Variants in PDE1A observed in about 807,000 individuals in gnomAD.
PDE1A encodes dual specificity calcium/calmodulin-dependent 3',5'-cyclic nucleotide phosphodiesterase 1A.
A neutral mutation model predicts 61.7 loss-of-function variants in PDE1A; 35 were observed. That is an observed-to-expected ratio of 0.57 (90% CI 0.43 to 0.75). The LOEUF is 0.75. Ranked by LOEUF, PDE1A falls within the 30% of genes least tolerant of loss-of-function variation. The pLI, the probability that PDE1A is intolerant of heterozygous loss-of-function variation, is 0.00. For missense variants in PDE1A, 597 were observed against 630.6 expected (o/e 0.95, Z 0.57); for synonymous variants, 232 against 213.2 (o/e 1.09, Z -0.77).
chr2:182,378,565 C>A (rs1186184794), intron 1 of PDE1A, among the ~76,000 whole-genome samples: 1 of 152,102 alleles, frequency 6.6e-6, no homozygotes, highest in Non-Finnish European at 1.5e-5. Flanking sequence ...CTTGTCATGA[C>A]CATAGTGATT....
intron 1 of PDE1A, among the ~76,000 whole-genome samples, chr2:182,363,579 G>GAGT (rs1699640142): frequency 6.6e-6 from 1 of 152,014 alleles, no homozygotes; most frequent in Non-Finnish European, 1.5e-5. Flanking sequence ...CAGGCAGAGG[G>GAGT]AGTAACACAC....
chr2:182,708,484 C>T, the PDE1A span, among the ~76,000 whole-genome samples: 8 of 152,164 alleles, frequency 5.3e-5, no homozygotes, highest in African/African-American at 1.9e-4. Context: ...TTGCACTGCT[C>T]TAAAGAACTT....
chr2:182,619,260 C>T, the PDE1A span, among the ~76,000 whole-genome samples: 1 of 152,050 alleles, frequency 6.6e-6, no homozygotes. Flanking sequence ...AAATTTACAA[C>T]ACTATAATAA....
chr2:182,274,433 A>C (rs770169309), intron 1 of PDE1A, among the ~76,000 whole-genome samples: 4 of 152,082 alleles, frequency 2.6e-5, no homozygotes, highest in Non-Finnish European at 5.9e-5. Flanking sequence ...ATATCTAAAA[A>C]CAGAAATATT....
At chr2:182,602,387 A>G in the PDE1A span, among the ~76,000 whole-genome samples, 108 of 152,330 alleles carry the variant, frequency 7.1e-4, 1 homozygote, top group African/African-American at 2.5e-3. Context: ...GCCATCAGTC[A>G]TCCCTATCAC....
the PDE1A span, among the ~76,000 whole-genome samples, chr2:182,631,749 C>T: frequency 0.4 from 60,396 of 152,090 alleles, 13,533 homozygotes; most frequent in Admixed American, 0.55. Flanking sequence ...TCACAATTTA[C>T]TTTTCTTCCT....
chr2:182,708,432 T>C, the PDE1A span, among the ~76,000 whole-genome samples: 2 of 136,880 alleles, frequency 1.5e-5, no homozygotes, highest in African/African-American at 5.5e-5. Context: ...CTAATTTTGG[T>C]ATTCTTTGTG....
intron 1 of PDE1A, among the ~76,000 whole-genome samples, chr2:182,350,031 A>G (rs1227502011): frequency 6.6e-6 from 1 of 152,176 alleles, no homozygotes; most frequent in East Asian, 1.9e-4. Flanking sequence ...CAGGACACTG[A>G]AAGTTCCATT....
chr2:182,505,427 T>C (rs968679432), intron 2 of PDE1A, among the ~76,000 whole-genome samples: 2 of 152,184 alleles, frequency 1.3e-5, no homozygotes, highest in African/African-American at 4.8e-5. Context: ...CCCACATAGA[T>C]ATACCAAAAA....
chr2:182,291,983 T>C (rs1694565067), intron 1 of PDE1A, among the ~76,000 whole-genome samples: 1 of 152,152 alleles, frequency 6.6e-6, no homozygotes, highest in Admixed American at 6.6e-5. Context: ...AGCATGACTG[T>C]TACTTGTAGT....
At chr2:182,477,290 G>A (rs904318777) in intron 2 of PDE1A, among the ~76,000 whole-genome samples, 3 of 151,788 alleles carry the variant, frequency 2.0e-5, no homozygotes, top group Admixed American at 6.6e-5. Flanking sequence ...AGCATGTCTT[G>A]GATTATAACT....
intron 1 of PDE1A, among the ~76,000 whole-genome samples, chr2:182,405,460 T>C (rs1384875790): frequency 2.0e-5 from 3 of 152,244 alleles, no homozygotes; most frequent in Non-Finnish European, 4.4e-5. Context: ...TAAACTTCAC[T>C]TGCAGGAAAC....
the PDE1A span, among the ~76,000 whole-genome samples, chr2:182,665,029 T>C: frequency 6.6e-6 from 1 of 152,348 alleles, no homozygotes; most frequent in African/African-American, 2.4e-5. Flanking sequence ...AACAATGTTC[T>C]TGAAAATTTT....
chr2:182,227,965 C>T (rs1407579496), intron 6 of PDE1A, among the ~76,000 whole-genome samples: 2 of 152,148 alleles, frequency 1.3e-5, no homozygotes, highest in Non-Finnish European at 2.9e-5. Context: ...AGTCATCTCT[C>T]CTCCTTCTAC....
In PDE1A at chr2:182,271,107, A is replaced by C. The variant is rs947296588; in HGVS notation, c.54-6693T>G. 3.3e-5 allele frequency among the ~76,000 whole-genome samples: 5 copies of C among 151,558 alleles called. No individual in the cohort carries two copies. In the East Asian group the frequency reaches 9.8e-4, roughly 30 times the overall value. ...CGGGATCAATGGCATAATGCACAGC[A>C]TGAGGACTACACTTAATAATATTGC... On this transcript the variant is annotated intron_variant, in intron 1 of 13. Transcript: ENST00000351439.
intron 7 of PDE1A, among the ~76,000 whole-genome samples, chr2:182,212,074 C>T (rs561297814): frequency 6.6e-6 from 1 of 151,994 alleles, no homozygotes; most frequent in African/African-American, 2.4e-5. Context: ...GACATCTTCC[C>T]TTGTTCACAA....
the PDE1A span, among the ~76,000 whole-genome samples, chr2:182,695,865 G>A: frequency 6.6e-6 from 1 of 152,084 alleles, no homozygotes; most frequent in African/African-American, 2.4e-5. Context: ...CATATGAAAA[G>A]CTGTTCCATG....
chr2:182,565,663 G>A, the PDE1A span, among the ~76,000 whole-genome samples: 1 of 151,982 alleles, frequency 6.6e-6, no homozygotes. Flanking sequence ...ATTTATAAGG[G>A]AGACTGTTCT....
At chr2:182,186,389 G>T in intron 12 of PDE1A, 79 bp downstream of exon 12, 1 of 1,485,670 alleles carries the variant, frequency 6.7e-7, no homozygotes, top group African/African-American at 1.4e-5. Flanking sequence ...CTGCCTAGAT[G>T]TGAGAAATAT....
Sources: allele counts gnomAD v4.1 joint callset (sites outside exome capture counted in the v4.1 genomes callset), GRCh38; gene constraint gnomAD v4.1.1; transcripts MANE v1.5; gene names NCBI Gene and HGNC (gene_info 2026-07-23, HGNC 2026-07-21).